The following PHF24 variants were observed in gnomAD, a reference collection of about 807,000 sequenced individuals.
The protein encoded by PHF24 is Galpha inhibitory interacting protein.
Under a neutral mutation model 42.6 loss-of-function variants are expected in PHF24, and 25 were observed. That is an observed-to-expected ratio of 0.59 (90% CI 0.43 to 0.82). The LOEUF (loss-of-function observed/expected upper bound fraction) is 0.82, where lower values mean the gene tolerates loss of function less well. Among genes scored for constraint, PHF24 ranks in the 40% least tolerant of loss-of-function variants. The pLI, the probability that PHF24 is intolerant of heterozygous loss-of-function variation, is 0.00. For synonymous variants in PHF24, 185 were observed against 204.8 expected (o/e 0.90, Z 0.83); for missense variants, 470 against 538.1 (o/e 0.87, Z 1.25).
chr9:34,670,942 A>G, the PHF24 span, among the ~76,000 whole-genome samples: 2 of 152,170 alleles, frequency 1.3e-5, no homozygotes, highest in Non-Finnish European at 2.9e-5. Flanking sequence ...CACAGTGCCT[A>G]TATATCCACC....
the PHF24 span, among the ~76,000 whole-genome samples, chr9:34,767,489 C>G: frequency 9.2e-5 from 14 of 152,368 alleles, no homozygotes; most frequent in African/African-American, 2.2e-4. Flanking sequence ...AGACTCCGTG[C>G]GCGTAGGACC....
At chr9:34,722,781 AGGTC>A in the PHF24 span, among the ~76,000 whole-genome samples, 1 of 152,190 alleles carries the variant, frequency 6.6e-6, no homozygotes, top group Non-Finnish European at 1.5e-5. Flanking sequence ...AACTAATGTA[AGGTC>A]TTACTATGCA....
At chr9:34,723,741 G>C in the PHF24 span, 1 of 1,551,718 alleles carries the variant, frequency 6.4e-7, no homozygotes, top group Non-Finnish European at 8.7e-7. Context: ...GGCTGACCCT[G>C]TGAAGCCTGG....
chr9:34,728,027 A>T, the PHF24 span: 1 of 1,552,056 alleles, frequency 6.4e-7, no homozygotes. Context: ...ATCACCTTTT[A>T]ATGATGGAGA....
chr9:34,681,632 G>A, the PHF24 span, among the ~76,000 whole-genome samples: 2 of 152,430 alleles, frequency 1.3e-5, no homozygotes, highest in East Asian at 1.9e-4. Context: ...CCAACATGGT[G>A]AAGCCCTGTC....
chr9:34,976,781 G>A, intron 5 of PHF24, 41 bp downstream of exon 5: 1 of 1,575,382 alleles, frequency 6.3e-7, no homozygotes, highest in Non-Finnish European at 8.7e-7. Flanking sequence ...GATACTGGGT[G>A]ACAAGGGCCT....
the PHF24 span, among the ~76,000 whole-genome samples, chr9:34,752,639 C>T: frequency 4.3e-4 from 65 of 152,290 alleles, no homozygotes; most frequent in African/African-American, 1.5e-3. Context: ...CCTACTCAAA[C>T]TATTCTGAAA....
chr9:34,896,454 A>G, the PHF24 span, among the ~76,000 whole-genome samples: 1 of 152,314 alleles, frequency 6.6e-6, no homozygotes, highest in East Asian at 1.9e-4. Context: ...ACTACCTTTC[A>G]TGGAGGCAAA....
the PHF24 span, among the ~76,000 whole-genome samples, chr9:34,763,683 C>T: frequency 2.3e-3 from 353 of 152,140 alleles, 1 homozygote; most frequent in African/African-American, 7.6e-3. Context: ...ATTGAATACC[C>T]TTTATTTCCT....
the PHF24 span, among the ~76,000 whole-genome samples, chr9:34,933,585 CATG>C: frequency 6.6e-6 from 1 of 151,504 alleles, no homozygotes; most frequent in African/African-American, 2.4e-5. Flanking sequence ...ATTAGCCTGG[CATG>C]GTGGTGGGCA....
the PHF24 span, among the ~76,000 whole-genome samples, chr9:34,780,290 C>CTTTCT: frequency 8.8e-6 from 1 of 113,952 alleles, no homozygotes. Flanking sequence ...TCTTTTTTTT[C>CTTTCT]TTTTTTTCTT....
chr9:34,782,526 C>T, the PHF24 span, among the ~76,000 whole-genome samples: 1 of 152,120 alleles, frequency 6.6e-6, no homozygotes, highest in East Asian at 1.9e-4. Context: ...AAATACAGAT[C>T]CAATCTGCCT....
chr9:34,726,118 A>G, the PHF24 span: 1 of 1,463,756 alleles, frequency 6.8e-7, no homozygotes, highest in Non-Finnish European at 9.3e-7. Flanking sequence ...ACCATTCAGA[A>G]ACCCAGAAGG....
the PHF24 span, among the ~76,000 whole-genome samples, chr9:34,747,508 G>A: frequency 6.6e-6 from 1 of 152,086 alleles, no homozygotes; most frequent in Non-Finnish European, 1.5e-5. Flanking sequence ...CATTTTACAG[G>A]AAAAGATAAC....
chr9:34,753,078 C>T, the PHF24 span, among the ~76,000 whole-genome samples: 4 of 152,140 alleles, frequency 2.6e-5, 1 homozygote, highest in South Asian at 6.2e-4. Flanking sequence ...TAGTATCATA[C>T]TGAATGGGGA....
chr9:34,687,289 G>T, the PHF24 span, among the ~76,000 whole-genome samples: 3 of 152,122 alleles, frequency 2.0e-5, no homozygotes, highest in Admixed American at 6.6e-5. Context: ...GATCTCAGAG[G>T]GTGGCCCCAG....
chr9:34,813,882 C>CG, the PHF24 span, among the ~76,000 whole-genome samples: 80,928 of 151,524 alleles, frequency 0.53, 23,237 homozygotes, highest in Non-Finnish European at 0.64. Context: ...TGTTAGAGAC[C>CG]GTCCCCACCA....
chr9:34,723,453 T>C, the PHF24 span: 1 of 1,551,672 alleles, frequency 6.4e-7, no homozygotes, highest in Non-Finnish European at 8.7e-7. Flanking sequence ...GTCTTACTTC[T>C]CCCCACAGGG....
the PHF24 span, chr9:34,917,224 A>G: frequency 1.4e-6 from 2 of 1,393,178 alleles, no homozygotes; most frequent in African/African-American, 1.4e-5. Flanking sequence ...AAGCAGGTGT[A>G]CATATCCCTG....
Sources: allele counts gnomAD v4.1 joint callset (sites outside exome capture counted in the v4.1 genomes callset), GRCh38; gene constraint gnomAD v4.1.1; transcripts MANE v1.5; gene names NCBI Gene and HGNC (gene_info 2026-07-23, HGNC 2026-07-21).